Variants in AUTS2 observed in about 807,000 individuals in gnomAD.
AUTS2 encodes autism susceptibility gene 2 protein.
A neutral mutation model predicts 112.4 loss-of-function variants in AUTS2; 17 were observed. That is an observed-to-expected ratio of 0.15 (90% confidence interval 0.10 to 0.23). The LOEUF (loss-of-function observed/expected upper bound fraction) is 0.23, where lower values mean the gene tolerates loss of function less well. Ranked by LOEUF, AUTS2 falls within the 10% of genes least tolerant of loss-of-function variation. The probability of loss-of-function intolerance (pLI) is 1.00; values close to 1 mark genes in which losing one functional copy is unlikely to be tolerated. For missense variants in AUTS2, 1,510 were observed against 1,701.6 expected (o/e 0.89, Z 1.98); for synonymous variants, 751 against 702.7 (o/e 1.07, Z -1.09).
intron 5 of AUTS2, among the ~76,000 whole-genome samples, chr7:70,503,978 C>G (rs1798868180): frequency 1.3e-5 from 2 of 151,524 alleles, no homozygotes; most frequent in African/African-American, 2.4e-5. Context: ...GTTAGTTGAA[C>G]TACTTGGCAA....
intron 4 of AUTS2, among the ~76,000 whole-genome samples, chr7:70,415,471 G>T (rs560378639): frequency 5.3e-5 from 8 of 152,088 alleles, no homozygotes; most frequent in Non-Finnish European, 1.0e-4. Context: ...ATTTTTTCAT[G>T]AAATTGAAAC....
intron 4 of AUTS2, among the ~76,000 whole-genome samples, chr7:70,222,448 G>T (rs1338100769): frequency 6.6e-6 from 1 of 152,154 alleles, no homozygotes; most frequent in Non-Finnish European, 1.5e-5. Flanking sequence ...AAGAAAACTG[G>T]AGAATTTAAG....
At chr7:69,771,571 C>T (rs1229091507) in intron 1 of AUTS2, among the ~76,000 whole-genome samples, 1 of 152,080 alleles carries the variant, frequency 6.6e-6, no homozygotes, top group African/African-American at 2.4e-5. Context: ...AGATGCAGTG[C>T]TAGTTCCGTG....
intron 3 of AUTS2, among the ~76,000 whole-genome samples, chr7:70,124,955 A>G (rs564778239): frequency 6.6e-6 from 1 of 152,300 alleles, no homozygotes; most frequent in East Asian, 1.9e-4. Flanking sequence ...TAAAAATTCC[A>G]TATTAGTTCT....
At chr7:70,760,115 C>T (rs1789466416) in intron 6 of AUTS2, among the ~76,000 whole-genome samples, 2 of 151,818 alleles carry the variant, frequency 1.3e-5, no homozygotes, top group African/African-American at 4.8e-5. Context: ...ACGCCATTCT[C>T]CTGCCTCAGC....
chr7:70,261,836 G>T (rs192269247), intron 4 of AUTS2, among the ~76,000 whole-genome samples: 9 of 152,222 alleles, frequency 5.9e-5, no homozygotes, highest in African/African-American at 2.2e-4. Context: ...CCTCAGGAGC[G>T]CCTCTTTGAT....
intron 1 of AUTS2, among the ~76,000 whole-genome samples, chr7:69,849,111 G>A (rs1394246443): frequency 6.6e-6 from 1 of 152,188 alleles, no homozygotes; most frequent in Non-Finnish European, 1.5e-5. Context: ...GAGTTCAGGA[G>A]TTTGAGGCTG....
chr7:70,341,931 T>G (rs550141473), intron 4 of AUTS2, among the ~76,000 whole-genome samples: 1 of 152,376 alleles, frequency 6.6e-6, no homozygotes, highest in African/African-American at 2.4e-5. Context: ...TTTCTTGATT[T>G]CTTTCATTTT....
At chr7:70,154,234 A>G (rs1807615949) in intron 4 of AUTS2, among the ~76,000 whole-genome samples, 2 of 152,192 alleles carry the variant, frequency 1.3e-5, no homozygotes, top group African/African-American at 4.8e-5. Context: ...TCCTGAAGAA[A>G]AAAGTGTCCA....
intron 5 of AUTS2, among the ~76,000 whole-genome samples, chr7:70,679,547 A>G (rs1011601195): frequency 6.6e-6 from 1 of 151,832 alleles, no homozygotes; most frequent in Admixed American, 6.6e-5. Context: ...GATCTGACCT[A>G]TTGAGGCCAC....
chr7:70,743,692 A>T (rs1223263121), intron 6 of AUTS2, among the ~76,000 whole-genome samples: 1 of 152,142 alleles, frequency 6.6e-6, no homozygotes, highest in African/African-American at 2.4e-5. Context: ...CTGGAGGATT[A>T]AGATGTCATT....
chr7:70,393,267 A>G (rs1793943025), intron 4 of AUTS2, among the ~76,000 whole-genome samples: 1 of 152,174 alleles, frequency 6.6e-6, no homozygotes, highest in Admixed American at 6.5e-5. Flanking sequence ...CTTAGCAAGT[A>G]AGCACCATAT....
chr7:70,140,005 T>C (rs535973046), intron 4 of AUTS2, among the ~76,000 whole-genome samples: 1 of 152,114 alleles, frequency 6.6e-6, no homozygotes, highest in African/African-American at 2.4e-5. Context: ...TCAAAAAAAA[T>C]TTATAAATGA....
intron 1 of AUTS2, among the ~76,000 whole-genome samples, chr7:69,755,130 G>A (rs1787895623): frequency 6.6e-6 from 1 of 152,194 alleles, no homozygotes; most frequent in Non-Finnish European, 1.5e-5. Flanking sequence ...GGGCGGACAG[G>A]CAGAGGTGAG....
chr7:70,377,036 CTGTT>C (rs1185433535), intron 4 of AUTS2, among the ~76,000 whole-genome samples: 2 of 151,408 alleles, frequency 1.3e-5, no homozygotes, highest in Admixed American at 6.6e-5. Context: ...TCATTGATGC[CTGTT>C]TATTTGCTTT....
chr7:70,107,147 G>A (rs778299971), intron 2 of AUTS2, among the ~76,000 whole-genome samples: 5 of 151,848 alleles, frequency 3.3e-5, no homozygotes, highest in South Asian at 2.1e-4. Flanking sequence ...TTTATAATCC[G>A]ATACCTCACT....
intron 1 of AUTS2, among the ~76,000 whole-genome samples, chr7:69,635,847 T>C (rs538479106): frequency 6.6e-6 from 1 of 152,376 alleles, no homozygotes; most frequent in South Asian, 2.1e-4. Flanking sequence ...GAGGATCAGC[T>C]TTAGGTAGCA....
intron 2 of AUTS2, among the ~76,000 whole-genome samples, chr7:70,095,482 A>G (rs984404632): frequency 6.6e-6 from 1 of 152,194 alleles, no homozygotes; most frequent in African/African-American, 2.4e-5. Flanking sequence ...AGGAGTGGTA[A>G]TGAATGGGCA....
At chr7:70,729,082 C>T in intron 6 of AUTS2, 1 of 448,744 alleles carries the variant, frequency 2.2e-6, no homozygotes, top group Non-Finnish European at 4.5e-6. Context: ...AGCTGCTCTG[C>T]TCTTGAGAAC....
Sources: gnomAD v4.1 joint callset for allele counts (sites outside exome capture counted in the v4.1 genomes callset) on GRCh38, gnomAD v4.1.1 for gene constraint, MANE v1.5 for transcripts, NCBI Gene and HGNC (gene_info 2026-07-23, HGNC 2026-07-21) for gene names.